SGCD: variants seen among roughly 807,000 people sequenced by gnomAD.
SGCD encodes the protein sarcoglycan delta.
In SGCD, 18 loss-of-function variants were observed where a neutral mutation model predicts 36.6. That is an observed-to-expected ratio of 0.49 (90% confidence interval 0.34 to 0.73). The LOEUF is 0.73. Ranked by LOEUF, SGCD falls within the 30% of genes least tolerant of loss-of-function variation. The probability of loss-of-function intolerance (pLI) is 0.01; values close to 1 mark genes in which losing one functional copy is unlikely to be tolerated. For missense variants in SGCD, 387 were observed against 346.7 expected, an observed-to-expected ratio of 1.12 and a Z score of -0.92; for synonymous variants, 133 against 130.6, an observed-to-expected ratio of 1.02 and a Z score of -0.12.
At chr5:156,730,403 A>G (rs776085372) in intron 7 of SGCD, among the ~76,000 whole-genome samples, 3 of 152,102 alleles carry the variant, frequency 2.0e-5, no homozygotes, top group Admixed American at 2.0e-4. Context: ...GCCCCAGTGC[A>G]TGTTGTTCCC....
At chr5:156,295,389 A>C (rs4704789) in intron 3 of SGCD, among the ~76,000 whole-genome samples, 5,923 of 152,002 alleles carry the variant, frequency 0.039, 385 homozygotes, top group East Asian at 0.24. Context: ...TTTTGTGGAT[A>C]TTTTTGAAGA....
intron 1 of SGCD, among the ~76,000 whole-genome samples, chr5:156,026,759 G>T (rs1471549633): frequency 6.6e-6 from 1 of 152,170 alleles, no homozygotes; most frequent in Non-Finnish European, 1.5e-5. Flanking sequence ...TTGTAAGAGA[G>T]TCCATAGATC....
At chr5:156,306,419 G>C (rs370863401) in intron 3 of SGCD, among the ~76,000 whole-genome samples, 1 of 152,150 alleles carries the variant, frequency 6.6e-6, no homozygotes, top group Non-Finnish European at 1.5e-5. Flanking sequence ...TGATTGTGGG[G>C]CTTCCCCAGC....
the SGCD span, among the ~76,000 whole-genome samples, chr5:155,742,353 A>G: frequency 6.6e-6 from 1 of 152,158 alleles, no homozygotes; most frequent in Non-Finnish European, 1.5e-5. Flanking sequence ...TTGATCAAGG[A>G]CCTTTTGTCC....
intron 3 of SGCD, among the ~76,000 whole-genome samples, chr5:156,498,339 G>A (rs1756294223): frequency 1.3e-5 from 2 of 151,114 alleles, no homozygotes; most frequent in South Asian, 2.1e-4. Context: ...ATACAACTGA[G>A]TGATTTTTAG....
At chr5:156,170,038 C>T (rs78479736) in intron 3 of SGCD, among the ~76,000 whole-genome samples, 1 of 152,142 alleles carries the variant, frequency 6.6e-6, no homozygotes, top group Non-Finnish European at 1.5e-5. Flanking sequence ...GGCTAGTAAA[C>T]TCCTGAGGGT....
At chr5:155,905,962 C>T (rs552210116) in intron 1 of SGCD, among the ~76,000 whole-genome samples, 113 of 152,218 alleles carry the variant, frequency 7.4e-4, no homozygotes, top group Non-Finnish European at 1.1e-3. Context: ...TTGTGCTTCT[C>T]AGATATGGTG....
At chr5:156,364,537 GT>G (rs1769987411) in intron 3 of SGCD, among the ~76,000 whole-genome samples, 1 of 152,160 alleles carries the variant, frequency 6.6e-6, no homozygotes, top group Admixed American at 6.5e-5. Context: ...CCTATAAGCA[GT>G]TGAAAAAGGA....
At chr5:156,338,166 T>TTCTG (rs1554094336) in intron 2 of SGCD, among the ~76,000 whole-genome samples, 3 of 151,648 alleles carry the variant, frequency 2.0e-5, no homozygotes, top group Non-Finnish European at 4.4e-5. Context: ...TCACTGGGTT[T>TTCTG]TTTGTTTGTT....
intron 3 of SGCD, among the ~76,000 whole-genome samples, chr5:156,292,224 T>C (rs1293084408): frequency 6.6e-6 from 1 of 152,074 alleles, no homozygotes; most frequent in Non-Finnish European, 1.5e-5. Flanking sequence ...ACCACTTGTC[T>C]CCTCAACTCC....
chr5:156,163,248 A>G (rs1763126091), intron 3 of SGCD, among the ~76,000 whole-genome samples: 1 of 151,706 alleles, frequency 6.6e-6, no homozygotes, highest in African/African-American at 2.4e-5. Context: ...TAAATAGTTA[A>G]GATATTCATA....
intron 3 of SGCD, among the ~76,000 whole-genome samples, chr5:156,238,927 A>C (rs2127655047): frequency 6.6e-6 from 1 of 152,276 alleles, no homozygotes; most frequent in African/African-American, 2.4e-5. Flanking sequence ...TATCTGAGTA[A>C]GATATTGGGG....
intron 6 of SGCD, among the ~76,000 whole-genome samples, chr5:156,604,554 T>C (rs1761338113): frequency 6.6e-6 from 1 of 151,840 alleles, no homozygotes; most frequent in South Asian, 2.1e-4. Flanking sequence ...ATAGTTACAA[T>C]AGGTTATTTT....
In SGCD at chr5:155,965,128, C is replaced by G. The variant is rs141219831; in HGVS notation, c.-282+94704C>G. 1.8e-3 allele frequency among the ~76,000 whole-genome samples: 272 copies of G among 152,222 alleles called. 3 individuals are homozygous for G. The highest frequency in any genetic ancestry group is 6.3e-3 in the African/African-American group (262 of 41,556). On this transcript the variant is annotated intron_variant, in intron 1 of 9. Coordinates refer to the SGCD transcript ENST00000517913. ...TTTCAGACATCTATTAGGTGCATCT[C>G]TGCCCTGTACACAAAGAGGGTTGAA...
chr5:156,057,717 A>G lies in SGCD; in HGVS notation c.-281-60161A>G, dbSNP rs995093705. 1.4e-4 allele frequency among the ~76,000 whole-genome samples: 21 copies of G among 146,352 alleles called. 2 individuals are homozygous for G. Among genetic ancestry groups the G allele is most frequent in the African/African-American group, 5.1e-4 (21 of 40,806 alleles). On this transcript the variant is annotated intron_variant, in intron 1 of 9. Coordinates refer to the SGCD transcript ENST00000517913. ...AGAATATGTCAAAGAGTGAGGATCC[A>G]AGTGAAACTGTCTCCTGCTGGCCAA...
intron 1 of SGCD, among the ~76,000 whole-genome samples, chr5:156,065,360 G>T (rs1287932674): frequency 8.4e-6 from 1 of 118,346 alleles, no homozygotes; most frequent in East Asian, 2.0e-4. Flanking sequence ...TTCCAACTAT[G>T]TGGTCAATTT....
At chr5:156,267,486 A>T (rs1177717452) in intron 3 of SGCD, among the ~76,000 whole-genome samples, 1 of 152,160 alleles carries the variant, frequency 6.6e-6, no homozygotes. Flanking sequence ...GATAATTCTG[A>T]CCTGCCGGAT....
intron 1 of SGCD, among the ~76,000 whole-genome samples, chr5:156,106,074 C>A (rs548811155): frequency 7.9e-6 from 1 of 126,860 alleles, no homozygotes; most frequent in East Asian, 2.3e-4. Context: ...CATGCCACTG[C>A]ACTCCAGCCT....
At chr5:156,085,644 A>G (rs924124848) in intron 1 of SGCD, among the ~76,000 whole-genome samples, 7 of 152,194 alleles carry the variant, frequency 4.6e-5, no homozygotes, top group African/African-American at 1.7e-4. Flanking sequence ...GACTCATAAG[A>G]TAAGTTGAAA....
Sources: gnomAD v4.1 joint callset for allele counts (sites outside exome capture counted in the v4.1 genomes callset) on GRCh38, gnomAD v4.1.1 for gene constraint, MANE v1.5 for transcripts, NCBI Gene and HGNC (gene_info 2026-07-23, HGNC 2026-07-21) for gene names.